Variants in SLC36A1 observed in about 807,000 individuals in gnomAD.
SLC36A1 encodes the protein solute carrier family 36 member 1, also known as proton-coupled amino acid transporter 1.
SLC36A1 carries 30 observed loss-of-function variants against 47.5 expected under a neutral mutation model. The ratio of observed to expected loss-of-function variants is 0.63; its 90% CI spans 0.47 to 0.86. The LOEUF (loss-of-function observed/expected upper bound fraction) is 0.86. Ranked by LOEUF, SLC36A1 falls within the 40% of genes least tolerant of loss-of-function variation. SLC36A1 has a pLI of 0.00. For missense variants in SLC36A1, 517 were observed against 606.0 expected, an observed-to-expected ratio of 0.85 and a Z score of 1.54; for synonymous variants, 255 against 249.7, an observed-to-expected ratio of 1.02 and a Z score of -0.20.
intron 1 of SLC36A1, among the ~76,000 whole-genome samples, chr5:151,453,216 TTAAAATAAATAAA>T (rs1284155366): frequency 6.6e-6 from 1 of 150,974 alleles, no homozygotes; most frequent in Admixed American, 6.6e-5. Context: ...AATAAATAAA[TTAAAATAAATAAA>T]TAAAATAAAA....
At chr5:151,527,976 G>A in the SLC36A1 span, 12 of 1,612,590 alleles carry the variant, frequency 7.4e-6, no homozygotes, top group East Asian at 1.1e-4. Context: ...CTCAGGGTGC[G>A]CCCCTCCCAC....
rs1390580833 is a variant in SLC36A1 at position 151,476,505 on chromosome 5, CT to C, written c.823-78del. ...GAGAATTCTGGGGATAAAAGAGTTACTTTTTTTCTGAGGTTTTTTTTTTTCT... is the reference window on the plus strand; with the variant it reads ...GAGAATTCTGGGGATAAAAGAGTTACTTTTTTCTGAGGTTTTTTTTTTTCT... On this transcript the variant is annotated intron_variant, in intron 8 of 10. Coordinates refer to ENST00000243389, the MANE Select transcript of SLC36A1 (RefSeq NM_078483.4). The C allele has an allele frequency of 3.5e-6, 4 of 1,156,302 alleles. No individual in the cohort carries two copies. In the African/African-American group the frequency reaches 4.7e-5, roughly 13 times the overall value. 71.6% of individuals were successfully genotyped at this position (1,156,302 alleles called of 1,614,324 possible).
chr5:151,514,634 T>G, the SLC36A1 span, among the ~76,000 whole-genome samples: 1 of 152,214 alleles, frequency 6.6e-6, no homozygotes, highest in Non-Finnish European at 1.5e-5. Flanking sequence ...CCTGAGTCCA[T>G]CCGTTCTTCC....
the SLC36A1 span, among the ~76,000 whole-genome samples, chr5:151,549,715 T>C: frequency 6.6e-6 from 1 of 152,232 alleles, no homozygotes; most frequent in African/African-American, 2.4e-5. Context: ...TCAGCTGTTT[T>C]AATGGATAAT....
At chr5:151,353,542 T>C in the SLC36A1 span, among the ~76,000 whole-genome samples, 2 of 152,102 alleles carry the variant, frequency 1.3e-5, no homozygotes, top group Non-Finnish European at 2.9e-5. Context: ...GAGACATTTG[T>C]TACATCAGTG....
the SLC36A1 span, among the ~76,000 whole-genome samples, chr5:151,398,436 A>G: frequency 0.5 from 75,358 of 151,930 alleles, 20,682 homozygotes; most frequent in African/African-American, 0.75. Context: ...GGGGTGTTAA[A>G]AAGAAAGTAT....
the SLC36A1 span, among the ~76,000 whole-genome samples, chr5:151,385,819 A>G: frequency 7.9e-5 from 12 of 152,014 alleles, no homozygotes; most frequent in Non-Finnish European, 1.3e-4. Context: ...TTTATGGGTC[A>G]TTGTTCAGGT....
At chr5:151,540,439 C>T in the SLC36A1 span, 1 of 593,252 alleles carries the variant, frequency 1.7e-6, no homozygotes, top group Non-Finnish European at 2.9e-6. Context: ...CTCCCTTCTC[C>T]TGCCCCTCAC....
chr5:151,448,659 T>C (rs1451372045), intron 1 of SLC36A1, among the ~76,000 whole-genome samples: 1 of 152,274 alleles, frequency 6.6e-6, no homozygotes, highest in Non-Finnish European at 1.5e-5. Flanking sequence ...ATTTTTTCTG[T>C]AACTTGTCAG....
the SLC36A1 span, among the ~76,000 whole-genome samples, chr5:151,525,109 G>A: frequency 3.3e-5 from 5 of 152,292 alleles, no homozygotes; most frequent in South Asian, 2.1e-4. Flanking sequence ...AATACTTGTC[G>A]AGAGATGGAC....
At chr5:151,521,817 GC>G in the SLC36A1 span, 2 of 1,614,138 alleles carry the variant, frequency 1.2e-6, no homozygotes, top group Non-Finnish European at 1.7e-6. Flanking sequence ...CACGAGGCAG[GC>G]CCTGGGCGGC....
the SLC36A1 span, chr5:151,544,142 C>G: frequency 1.9e-6 from 3 of 1,614,214 alleles, no homozygotes; most frequent in South Asian, 3.3e-5. Context: ...GACATCTCCC[C>G]TGTGCTCCCA....
chr5:151,365,572 T>A, the SLC36A1 span, among the ~76,000 whole-genome samples: 6 of 152,124 alleles, frequency 3.9e-5, no homozygotes, highest in African/African-American at 1.4e-4. Context: ...ACCCTCTCAT[T>A]TTACAGCTAG....
At chr5:151,512,047 G>A in the SLC36A1 span, 2 of 884,206 alleles carry the variant, frequency 2.3e-6, no homozygotes, top group Non-Finnish European at 3.5e-6. This position sits in a 1 kb window ranked among gnomAD's most constrained non-coding sequence, Gnocchi z 4.1. Context: ...CACAAGTTAG[G>A]GGAAGAGAGA....
chr5:151,504,400 A>C, the SLC36A1 span: 1 of 152,688 alleles, frequency 6.5e-6, no homozygotes, highest in African/African-American at 2.4e-5. Context: ...TCCTGGCTAC[A>C]TACACTCTAC....
intron 1 of SLC36A1, among the ~76,000 whole-genome samples, chr5:151,451,911 T>A (rs1209493361): frequency 6.6e-6 from 1 of 152,160 alleles, no homozygotes; most frequent in African/African-American, 2.4e-5. Context: ...TGGACTGGGA[T>A]GCTGGTTTGC....
At chr5:151,519,287 T>G in the SLC36A1 span, among the ~76,000 whole-genome samples, 1 of 152,220 alleles carries the variant, frequency 6.6e-6, no homozygotes. Context: ...GAAGTTGCAG[T>G]GAGCCAAGAT....
the SLC36A1 span, among the ~76,000 whole-genome samples, chr5:151,400,733 T>C: frequency 7.9e-5 from 12 of 152,154 alleles, no homozygotes; most frequent in Non-Finnish European, 1.8e-4. Context: ...TGGTGTGAGA[T>C]GGTAGCTCTT....
At chr5:151,542,616 A>T in the SLC36A1 span, 1 of 1,614,226 alleles carries the variant, frequency 6.2e-7, no homozygotes, top group Non-Finnish European at 8.5e-7. Context: ...CAGGGTCTGC[A>T]GACAGCCTGT....
Sources: allele counts gnomAD v4.1 joint callset (sites outside exome capture counted in the v4.1 genomes callset), GRCh38; gene constraint gnomAD v4.1.1; non-coding constraint Gnocchi (gnomAD v3.1); transcripts MANE v1.5; gene names NCBI Gene and HGNC (gene_info 2026-07-23, HGNC 2026-07-21).